PTPRG: variants seen among roughly 807,000 people sequenced by gnomAD.
PTPRG encodes the protein protein tyrosine phosphatase receptor type G.
In PTPRG, 102 loss-of-function variants were observed where a neutral mutation model predicts 165.3. The ratio of observed to expected loss-of-function variants is 0.62; its 90% CI spans 0.53 to 0.73. The LOEUF (loss-of-function observed/expected upper bound fraction) is 0.73. PTPRG is among the 30% of genes least tolerant of loss of function. The probability of loss-of-function intolerance (pLI) is 0.00; values close to 1 mark genes in which losing one functional copy is unlikely to be tolerated. For synonymous variants in PTPRG, 675 were observed against 669.5 expected (o/e 1.01, Z -0.13); for missense variants, 1,866 against 1,861.4 (o/e 1.00, Z -0.05).
intron 1 of PTPRG, among the ~76,000 whole-genome samples, chr3:61,588,732 C>T (rs534035257): frequency 5.3e-5 from 8 of 152,294 alleles, no homozygotes; most frequent in Non-Finnish European, 1.0e-4. Flanking sequence ...AGGAATGAGC[C>T]GCCGCGCCCG....
In PTPRG at chr3:62,151,079, A is replaced by G. The variant is rs80127400; in HGVS notation, c.683-5988A>G. On this transcript the variant is annotated intron_variant, in intron 6 of 29. Transcript: ENST00000474889. Reference sequence around the variant, plus strand: ...TTTTAATGATCACATTTTTAATCCAATTATCCATGTTTGAATCTTTCAGAT... The same window carrying G: ...TTTTAATGATCACATTTTTAATCCAGTTATCCATGTTTGAATCTTTCAGAT... Among the ~76,000 whole-genome samples, 842 of 152,314 alleles carry G rather than the reference A, an allele frequency of 5.5e-3. 5 individuals are homozygous for G. Among genetic ancestry groups the G allele is most frequent in the African/African-American group, 0.019 (801 of 41,568 alleles).
intron 1 of PTPRG, among the ~76,000 whole-genome samples, chr3:61,697,752 G>T (rs1209190834): frequency 6.6e-6 from 1 of 151,986 alleles, no homozygotes; most frequent in African/African-American, 2.4e-5. Flanking sequence ...ATTGCCCACA[G>T]CCCCCCACTT....
At chr3:62,013,247 C>G (rs1272538200) in intron 4 of PTPRG, among the ~76,000 whole-genome samples, 1 of 152,036 alleles carries the variant, frequency 6.6e-6, no homozygotes. Flanking sequence ...TATACTATGT[C>G]CTTGAAGTCT....
chr3:62,277,446 G>A, intron 25 of PTPRG, 105 bp from the exon 26 acceptor site: 1 of 1,265,848 alleles, frequency 7.9e-7, no homozygotes, highest in Non-Finnish European at 1.1e-6. Context: ...AATTATTTTA[G>A]TGTAGTCAAA....
chr3:61,917,815 C>A (rs2038979334), intron 2 of PTPRG, among the ~76,000 whole-genome samples: 1 of 152,136 alleles, frequency 6.6e-6, no homozygotes, highest in African/African-American at 2.4e-5. Context: ...CGCTTGTAAT[C>A]CTAGCTACCA....
chr3:62,119,690 G>C (rs549800358), intron 5 of PTPRG, among the ~76,000 whole-genome samples: 1 of 151,682 alleles, frequency 6.6e-6, no homozygotes, highest in African/African-American at 2.4e-5. Context: ...GCACAGTCTT[G>C]GCTCACTGCA....
At chr3:62,230,015 T>G (rs920556775) in intron 13 of PTPRG, among the ~76,000 whole-genome samples, 1 of 152,242 alleles carries the variant, frequency 6.6e-6, no homozygotes, top group Admixed American at 6.5e-5. Context: ...TTCTTCAGAT[T>G]AATGTTCATA....
chr3:61,725,081 T>C (rs576286129), intron 1 of PTPRG, among the ~76,000 whole-genome samples: 1 of 152,300 alleles, frequency 6.6e-6, no homozygotes, highest in East Asian at 1.9e-4. Context: ...TCTCTTCTCC[T>C]TTTTTACCAC....
intron 2 of PTPRG, among the ~76,000 whole-genome samples, chr3:61,960,924 TG>T (rs1408040817): frequency 6.6e-6 from 1 of 152,184 alleles, no homozygotes; most frequent in Non-Finnish European, 1.5e-5. Context: ...GACCCTTCAC[TG>T]ATCAGCTGTG....
intron 1 of PTPRG, among the ~76,000 whole-genome samples, chr3:61,666,272 G>T (rs1206387335): frequency 2.0e-5 from 3 of 152,220 alleles, no homozygotes; most frequent in Non-Finnish European, 2.9e-5. Flanking sequence ...TTTCTCTTCT[G>T]TTATCTGTCT....
chr3:62,110,830 G>A (rs986697689), intron 5 of PTPRG, among the ~76,000 whole-genome samples: 1 of 152,192 alleles, frequency 6.6e-6, no homozygotes, highest in Non-Finnish European at 1.5e-5. Context: ...TAAGTTGGTA[G>A]GTTCTCTGTA....
chr3:61,772,740 A>T (rs1214495060), intron 2 of PTPRG, among the ~76,000 whole-genome samples: 1 of 152,216 alleles, frequency 6.6e-6, no homozygotes, highest in Non-Finnish European at 1.5e-5. Flanking sequence ...CATGATGGAC[A>T]TTCACTTTGT....
Position 61,840,884 on chromosome 3 carries a change from C to T in PTPRG, c.190+91902C>T, listed in dbSNP as rs562177962. Among the ~76,000 whole-genome samples, 8 of 148,326 alleles carry T rather than the reference C, an allele frequency of 5.4e-5. No individual in the cohort carries two copies. In the East Asian group the frequency reaches 1.4e-3, roughly 27 times the overall value. On this transcript the variant is annotated intron_variant, in intron 2 of 29. Coordinates refer to ENST00000474889, the MANE Select transcript of PTPRG (RefSeq NM_002841.4). ...CTGCAACCTCCACCACCTGGGCAAGCAATTCTTCTGCCTCAGCCTCCCGAG... is the reference window on the plus strand; with the variant it reads ...CTGCAACCTCCACCACCTGGGCAAGTAATTCTTCTGCCTCAGCCTCCCGAG...
At chr3:62,107,483 C>A (rs935184928) in intron 5 of PTPRG, among the ~76,000 whole-genome samples, 1 of 152,178 alleles carries the variant, frequency 6.6e-6, no homozygotes, top group Non-Finnish European at 1.5e-5. Flanking sequence ...CAGGCAATAA[C>A]CTGCTAACTT....
intron 1 of PTPRG, among the ~76,000 whole-genome samples, chr3:61,677,196 G>C (rs1209244899): frequency 1.4e-5 from 2 of 143,914 alleles, no homozygotes; most frequent in Admixed American, 7.3e-5. Flanking sequence ...AGTGAGCCCA[G>C]ATCGCACCAC....
intron 2 of PTPRG, among the ~76,000 whole-genome samples, chr3:61,823,189 T>C (rs1025735648): frequency 6.6e-6 from 1 of 151,056 alleles, no homozygotes; most frequent in African/African-American, 2.5e-5. Context: ...TGCACAGGTT[T>C]GTTTGTTTGT....
intron 1 of PTPRG, among the ~76,000 whole-genome samples, chr3:61,574,660 C>T (rs1234914304): frequency 1.3e-5 from 2 of 152,132 alleles, no homozygotes; most frequent in East Asian, 1.9e-4. Context: ...TTTTATGTTG[C>T]TGTAACATTA....
chr3:61,959,388 C>T (rs935497561), intron 2 of PTPRG, among the ~76,000 whole-genome samples: 1 of 152,158 alleles, frequency 6.6e-6, no homozygotes, highest in African/African-American at 2.4e-5. Flanking sequence ...ACAATTTTTC[C>T]ATGGGGGGAT....
chr3:62,042,531 T>C (rs987780160), intron 4 of PTPRG, among the ~76,000 whole-genome samples: 1 of 152,176 alleles, frequency 6.6e-6, no homozygotes, highest in Admixed American at 6.5e-5. Context: ...TGGTGTTCTT[T>C]TGCCTGAAAT....
Sources: allele counts gnomAD v4.1 joint callset (sites outside exome capture counted in the v4.1 genomes callset), GRCh38; gene constraint gnomAD v4.1.1; transcripts MANE v1.5; gene names NCBI Gene and HGNC (gene_info 2026-07-23, HGNC 2026-07-21).